Variants in ZSCAN4 observed in about 807,000 individuals in gnomAD.
ZSCAN4 encodes zinc finger and SCAN domain-containing protein 4.
A neutral mutation model predicts 18.3 loss-of-function variants in ZSCAN4; 18 were observed. The observed-to-expected ratio is 0.98, with a 90% CI of 0.68 to 1.46. The LOEUF is 1.46. ZSCAN4 is among the 40% of genes most tolerant of loss of function. The pLI is 0.00. For synonymous variants in ZSCAN4, 193 were observed against 180.3 expected (o/e 1.07, Z -0.57); for missense variants, 498 against 511.4 (o/e 0.97, Z 0.25).
exon 5 of ZSCAN4, chr19:57,678,449 C>G: frequency 1.2e-6 from 2 of 1,614,064 alleles, no homozygotes; most frequent in Non-Finnish European, 1.7e-6. Flanking sequence ...AGCAGTCCTC[C>G]CCTGAGTCTG....
exon 3 of ZSCAN4, chr19:57,676,487 C>T: frequency 6.2e-7 from 1 of 1,614,138 alleles, no homozygotes; most frequent in Non-Finnish European, 8.5e-7. Flanking sequence ...GTGGCAAAAA[C>T]TTGGAGAGAT....
intron 2 of ZSCAN4, among the ~76,000 whole-genome samples, chr19:57,673,943 G>A (rs954511126): frequency 5.3e-5 from 8 of 152,050 alleles, no homozygotes; most frequent in Non-Finnish European, 8.8e-5. Flanking sequence ...TAGTAGAGAC[G>A]GGGTTTCGCC....
chr19:57,671,937 T>C (rs1984035335), intron 2 of ZSCAN4, among the ~76,000 whole-genome samples: 1 of 152,236 alleles, frequency 6.6e-6, no homozygotes, highest in Non-Finnish European at 1.5e-5. Flanking sequence ...TCTGATTTTA[T>C]GGCATGAAAT....
the ZSCAN4 span, among the ~76,000 whole-genome samples, chr19:57,656,645 C>G: frequency 2.0e-3 from 310 of 152,274 alleles, 2 homozygotes; most frequent in African/African-American, 6.8e-3. Flanking sequence ...CATATACCCC[C>G]TGTAAAAAAA....
At chr19:57,655,927 A>G in the ZSCAN4 span, among the ~76,000 whole-genome samples, 2 of 152,034 alleles carry the variant, frequency 1.3e-5, no homozygotes, top group South Asian at 4.1e-4. Flanking sequence ...CTAGAGTCCA[A>G]TACTGTCGCA....
At chr19:57,671,015 C>T (rs1202881272) in intron 2 of ZSCAN4, among the ~76,000 whole-genome samples, 1 of 152,030 alleles carries the variant, frequency 6.6e-6, no homozygotes, top group Non-Finnish European at 1.5e-5. Flanking sequence ...GCGCACACCA[C>T]CACACCAGGT....
chr19:57,671,619 C>T (rs1600005219), intron 2 of ZSCAN4, among the ~76,000 whole-genome samples: 1 of 152,018 alleles, frequency 6.6e-6, no homozygotes, highest in Admixed American at 6.6e-5. Flanking sequence ...AGGACAAGGA[C>T]TCAGTGCTTT....
the ZSCAN4 span, among the ~76,000 whole-genome samples, chr19:57,652,898 C>T: frequency 6.6e-6 from 1 of 152,098 alleles, no homozygotes; most frequent in Non-Finnish European, 1.5e-5. Context: ...CTGGCATGAC[C>T]TTTATGTCAT....
Position 57,678,150 on chromosome 19 carries a change from G to C in ZSCAN4, c.563-16G>C. On this transcript the variant is annotated splice_polypyrimidine_tract_variant and intron_variant, in intron 4 of 4. Coordinates refer to ENST00000318203, the Ensembl canonical transcript of ZSCAN4. ...CCCTTCTTAAGTACAACTTCATTGA[G>C]TGTCTATTTTCACAGGATATGAAGA... The C allele has an allele frequency of 2.5e-6, 4 of 1,608,478 alleles. No homozygotes were observed. The highest frequency in any genetic ancestry group is 2.5e-6 in the Non-Finnish European group (3 of 1,177,068).
At chr19:57,677,439 T>C (rs890337068) in intron 3 of ZSCAN4, among the ~76,000 whole-genome samples, 1 of 152,146 alleles carries the variant, frequency 6.6e-6, no homozygotes, top group Admixed American at 6.5e-5. Flanking sequence ...TTGCTTTTTA[T>C]TGATAACTTT....
At chr19:57,662,767 C>G in the ZSCAN4 span, among the ~76,000 whole-genome samples, 2 of 152,252 alleles carry the variant, frequency 1.3e-5, no homozygotes, top group African/African-American at 4.8e-5. Context: ...ACCATGTTGG[C>G]CAGGCTGGTC....
chr19:57,660,026 CA>C, the ZSCAN4 span, among the ~76,000 whole-genome samples: 1 of 152,086 alleles, frequency 6.6e-6, no homozygotes, highest in Non-Finnish European at 1.5e-5. Flanking sequence ...CACTTCCCAG[CA>C]AAAAGGTGAG....
the ZSCAN4 span, among the ~76,000 whole-genome samples, chr19:57,657,048 T>G: frequency 6.6e-6 from 1 of 151,840 alleles, no homozygotes; most frequent in East Asian, 1.9e-4. Flanking sequence ...GAGTTCAACA[T>G]CAGCCTGGCC....
At chr19:57,673,191 G>T (rs1031426379) in intron 2 of ZSCAN4, among the ~76,000 whole-genome samples, 2 of 152,056 alleles carry the variant, frequency 1.3e-5, no homozygotes, top group Admixed American at 6.6e-5. Context: ...TGGAATTACA[G>T]GTGTGCACCA....
intron 1 of ZSCAN4, among the ~76,000 whole-genome samples, chr19:57,669,863 C>T (rs918159013): frequency 1.1e-4 from 17 of 151,972 alleles, no homozygotes; most frequent in African/African-American, 3.1e-4. Flanking sequence ...GCCTGGCTAA[C>T]ATTTTTAACA....
At chr19:57,675,595 A>G (rs1273671379) in intron 2 of ZSCAN4, among the ~76,000 whole-genome samples, 1 of 152,144 alleles carries the variant, frequency 6.6e-6, no homozygotes, top group Non-Finnish European at 1.5e-5. Context: ...GATATTTCCT[A>G]ATAGTTCTAG....
rs372997214 is a variant in ZSCAN4 at position 57,677,913 on chromosome 19, G to A, written c.397-1G>A. On this transcript the variant is annotated splice_acceptor_variant, in intron 3 of 4. Coordinates refer to ENST00000318203, the Ensembl canonical transcript of ZSCAN4. LOFTEE classifies it high-confidence loss of function. ...CAACAGTGATCTGGCTTTCTTTACA[G>A]GTCCACGTCCACATGCAGGGACAGG... 29 of 1,528,840 alleles carry A rather than the reference G, an allele frequency of 1.9e-5. No homozygotes were observed. Among genetic ancestry groups the A allele is most frequent in the Non-Finnish European group, 2.0e-5 (23 of 1,142,348 alleles). 94.7% of individuals were successfully genotyped at this position (1,528,840 alleles called of 1,614,324 possible).
At chr19:57,676,055 G>C in exon 3 of ZSCAN4, 2 of 1,288,382 alleles carry the variant, frequency 1.6e-6, no homozygotes, top group Non-Finnish European at 2.1e-6. Context: ...CAGTTTTAAA[G>C]AATCCACCAA....
chr19:57,653,381 C>T, the ZSCAN4 span, among the ~76,000 whole-genome samples: 20 of 127,526 alleles, frequency 1.6e-4, no homozygotes, highest in Admixed American at 5.9e-4. Context: ...AGCGAGACTC[C>T]ATCTCAAAGA....
Sources: gnomAD v4.1 joint callset for allele counts (sites outside exome capture counted in the v4.1 genomes callset) on GRCh38, gnomAD v4.1.1 for gene constraint, MANE v1.5 for transcripts, NCBI Gene and HGNC (gene_info 2026-07-23, HGNC 2026-07-21) for gene names.